Variants in CRACDL observed in about 807,000 individuals in gnomAD.
CRACDL encodes the protein CRACD like.
A neutral mutation model predicts 70.6 loss-of-function variants in CRACDL; 26 were observed. The observed-to-expected ratio is 0.37, with a 90% CI of 0.27 to 0.51. CRACDL has a LOEUF of 0.51. Among genes scored for constraint, CRACDL ranks in the 20% least tolerant of loss-of-function variants. The probability of loss-of-function intolerance (pLI) is 0.94; values close to 1 mark genes in which losing one functional copy is unlikely to be tolerated. For synonymous variants in CRACDL, 618 were observed against 615.2 expected (o/e 1.00, Z -0.07); for missense variants, 1,283 against 1,376.9 (o/e 0.93, Z 1.08).
At chr2:98,935,644 C>A (rs1289022526) in intron 1 of CRACDL, among the ~76,000 whole-genome samples, 2 of 152,166 alleles carry the variant, frequency 1.3e-5, no homozygotes, top group African/African-American at 2.4e-5. Flanking sequence ...ATTTTCCTGG[C>A]GCGTAAACTG....
intron 1 of CRACDL, among the ~76,000 whole-genome samples, chr2:98,895,167 T>C (rs1708086640): frequency 6.6e-6 from 1 of 152,190 alleles, no homozygotes; most frequent in African/African-American, 2.4e-5. Context: ...TAGATGCCTC[T>C]GTCCATTCAT....
In CRACDL at chr2:98,822,700, G is replaced by T. The variant is rs1705121536; in HGVS notation, c.1573C>A (p.Pro525Thr). The change falls in exon 7 of 10, where the codon CCC (proline) becomes ACC (threonine). Residue 525 changes from proline (P) to threonine (T), a missense_variant. Transcript: ENST00000397899. The surrounding 1 kb of genome is among the most constrained non-coding windows in gnomAD (Gnocchi z 4.9). Reference sequence around the variant, plus strand: ...TCTGCGTCGAGGGAACCGGGGCCGGGCTCCACCGGGGGAGACTCCGCAGCG... The same window carrying T: ...TCTGCGTCGAGGGAACCGGGGCCGGTCTCCACCGGGGGAGACTCCGCAGCG... Reference protein sequence around the residue: ...LAAAESPPVEPGPGSLDAEAA... With the variant: ...LAAAESPPVETGPGSLDAEAA... 1.6e-6 allele frequency: 2 copies of T among 1,266,340 alleles called. No individual in the cohort carries two copies. Among genetic ancestry groups the T allele is most frequent in the African/African-American group, 3.1e-5 (2 of 64,154 alleles). 78.4% of individuals were successfully genotyped at this position (1,266,340 alleles called of 1,614,324 possible).
At chr2:98,830,093 G>A (rs1314859067) in intron 5 of CRACDL, among the ~76,000 whole-genome samples, 3 of 152,200 alleles carry the variant, frequency 2.0e-5, no homozygotes, top group Non-Finnish European at 4.4e-5. Flanking sequence ...TGACTCATTG[G>A]CCTTGCCAGT....
chr2:98,832,346 G>A lies in CRACDL; in HGVS notation c.540+2C>T. ...ACATGCAGTGGTACAGGCCGCACTT[G>A]CCTTTATGGTGGTACCAGGACCCAC... is the stretch of plus-strand genomic sequence containing the variant. On this transcript the variant is annotated splice_donor_variant, in intron 5 of 9. Coordinates refer to ENST00000397899, the MANE Select transcript of CRACDL (RefSeq NM_207362.3). LOFTEE classifies it low-confidence loss of function (GC_TO_GT_DONOR). 1.9e-6 allele frequency: 3 copies of A among 1,614,176 alleles called. No individual in the cohort carries two copies. The highest frequency in any genetic ancestry group is 2.5e-6 in the Non-Finnish European group (3 of 1,180,028).
At chr2:98,917,095 A>T (rs538996645) in intron 1 of CRACDL, among the ~76,000 whole-genome samples, 5 of 152,172 alleles carry the variant, frequency 3.3e-5, no homozygotes, top group Admixed American at 2.6e-4. Flanking sequence ...GGCTCGGCCC[A>T]CTATCCTTCC....
At chr2:98,910,790 C>T (rs1022579458) in intron 1 of CRACDL, among the ~76,000 whole-genome samples, 10 of 152,318 alleles carry the variant, frequency 6.6e-5, no homozygotes, top group African/African-American at 2.4e-4. Flanking sequence ...AGGGTTTGCC[C>T]TGACAGGGCC....
chr2:98,877,540 G>A (rs1707516411), intron 1 of CRACDL, among the ~76,000 whole-genome samples: 1 of 152,152 alleles, frequency 6.6e-6, no homozygotes, highest in African/African-American at 2.4e-5. Flanking sequence ...GAGGTCAGGA[G>A]TTTGAGACCA....
intron 2 of CRACDL, among the ~76,000 whole-genome samples, chr2:98,838,841 C>A (rs1392274912): frequency 6.6e-6 from 1 of 152,294 alleles, no homozygotes; most frequent in South Asian, 2.1e-4. Context: ...GTCATCCCTG[C>A]AGGGGAGGGG....
chr2:98,794,352 G>A lies in CRACDL; in HGVS notation c.*180C>T. 1.8e-6 allele frequency: 1 copy of A among 542,536 alleles called. No individual in the cohort carries two copies. Among genetic ancestry groups the A allele is most frequent in the Non-Finnish European group, 3.2e-6 (1 of 310,844 alleles). 33.6% of individuals were successfully genotyped at this position (542,536 alleles called of 1,614,324 possible). A position where few individuals can be genotyped will look rare whatever the true frequency, so the allele number is the denominator to read the frequency against. ...TGTTTCTGGGCCCTCTGGCCCAGGA[G>A]TATGGCTGTGTGTTTATCCTCTTTG... On this transcript the variant is annotated 3_prime_UTR_variant, in exon 10 of 10. Transcript: ENST00000397899.
At chr2:98,910,317 C>T (rs567780714) in intron 1 of CRACDL, among the ~76,000 whole-genome samples, 4 of 151,960 alleles carry the variant, frequency 2.6e-5, no homozygotes, top group African/African-American at 7.3e-5. Flanking sequence ...GCCAGGAGTT[C>T]GAGACCAGCC....
chr2:98,898,526 C>A (rs1240060027), intron 1 of CRACDL, among the ~76,000 whole-genome samples: 1 of 152,218 alleles, frequency 6.6e-6, no homozygotes, highest in Non-Finnish European at 1.5e-5. Flanking sequence ...TGAGCATGCT[C>A]GGGGCCAGGG....
intron 7 of CRACDL, among the ~76,000 whole-genome samples, chr2:98,812,413 T>C (rs894489560): frequency 1.3e-5 from 2 of 152,236 alleles, no homozygotes; most frequent in Admixed American, 6.5e-5. Flanking sequence ...TTATAAGAAA[T>C]TGCCAAACTG....
intron 7 of CRACDL, among the ~76,000 whole-genome samples, chr2:98,801,116 T>C (rs187787390): frequency 1.5e-3 from 229 of 152,352 alleles, no homozygotes; most frequent in African/African-American, 5.4e-3. Flanking sequence ...CCTGCCTCTT[T>C]CCCTGCAACT....
chr2:98,823,159 C>T lies in CRACDL; in HGVS notation c.1114G>A (p.Asp372Asn), dbSNP rs1705160064. The part of the protein sequence containing the change: ...PNPGPDGGKQ[D>N]GEAPPAGPCA... ...GGGCCTGCGGGGGGCGCCTCCCCAT[C>T]CTGCTTTCCGCCGTCGGGACCGGGA... Residue 372 changes from aspartate to asparagine, a missense_variant, in exon 7 of 10, where the codon GAT (aspartate) becomes AAT (asparagine). Physicochemically the swap from Asp to Asn is conservative, Grantham distance 23. Transcript: ENST00000397899. This position sits in a 1 kb window ranked among gnomAD's most constrained non-coding sequence, Gnocchi z 4.0. The T allele has an allele frequency of 2.6e-6, 4 of 1,547,624 alleles. No individual in the cohort carries two copies. The highest frequency in any genetic ancestry group is 2.6e-6 in the Non-Finnish European group (3 of 1,150,668).
chr2:98,928,853 A>G (rs1708996797), intron 1 of CRACDL, among the ~76,000 whole-genome samples: 1 of 152,180 alleles, frequency 6.6e-6, no homozygotes, highest in African/African-American at 2.4e-5. Context: ...TCAGAATGTG[A>G]TTTCCAATGG....
At chr2:98,845,293 C>G (rs1706211081) in intron 2 of CRACDL, among the ~76,000 whole-genome samples, 1 of 151,290 alleles carries the variant, frequency 6.6e-6, no homozygotes, top group African/African-American at 2.4e-5. Flanking sequence ...ACCTCCTAGG[C>G]TCACACAATC....
At chr2:98,869,353 A>G (rs2104593711) in intron 1 of CRACDL, 1 of 1,058,602 alleles carries the variant, frequency 9.4e-7, no homozygotes, top group Non-Finnish European at 1.2e-6. Flanking sequence ...GTGCACAGGC[A>G]CACAGCAGAA....
intron 1 of CRACDL, among the ~76,000 whole-genome samples, chr2:98,920,967 C>T (rs1161880998): frequency 6.6e-6 from 1 of 152,174 alleles, no homozygotes; most frequent in East Asian, 1.9e-4. Flanking sequence ...AAGAAGTACT[C>T]CAGGAAGACA....
intron 1 of CRACDL, among the ~76,000 whole-genome samples, chr2:98,908,208 T>C (rs984916727): frequency 6.6e-6 from 1 of 151,982 alleles, no homozygotes; most frequent in Non-Finnish European, 1.5e-5. Flanking sequence ...CTGTCTCAAC[T>C]GGGAGGCAAG....
Sources: allele counts gnomAD v4.1 joint callset (sites outside exome capture counted in the v4.1 genomes callset), GRCh38; gene constraint gnomAD v4.1.1; non-coding constraint Gnocchi (gnomAD v3.1); transcripts MANE v1.5; gene names NCBI Gene and HGNC (gene_info 2026-07-23, HGNC 2026-07-21).